Variants in CTNND2 observed in about 807,000 individuals in gnomAD.
CTNND2 encodes catenin delta 2, also known as catenin delta-2.
CTNND2 carries 22 observed loss-of-function variants against 144.4 expected under a neutral mutation model. The observed-to-expected ratio is 0.15, with a 90% CI of 0.11 to 0.22. CTNND2 has a LOEUF of 0.22. Among genes scored for constraint, CTNND2 ranks in the 10% least tolerant of loss-of-function variants. The pLI is 1.00. For synonymous variants in CTNND2, 751 were observed against 695.6 expected (o/e 1.08, Z -1.25); for missense variants, 1,353 against 1,618.8 (o/e 0.84, Z 2.82).
chr5:11,856,577 A>T (rs1034901299), intron 1 of CTNND2, among the ~76,000 whole-genome samples: 7 of 152,178 alleles, frequency 4.6e-5, no homozygotes, highest in African/African-American at 1.7e-4. Context: ...GAAGAAGCGG[A>T]AGTAAAAAGT....
intron 12 of CTNND2, among the ~76,000 whole-genome samples, chr5:11,141,564 T>G (rs1756723086): frequency 6.6e-6 from 1 of 152,188 alleles, no homozygotes; most frequent in African/African-American, 2.4e-5. Flanking sequence ...TTTGAACGGT[T>G]AAGTTTGGAT....
chr5:11,650,372 T>C (rs548201063), intron 2 of CTNND2, among the ~76,000 whole-genome samples: 2 of 152,318 alleles, frequency 1.3e-5, no homozygotes, highest in South Asian at 2.1e-4. Flanking sequence ...CTTTTCTTTA[T>C]ACATTACACA....
intron 3 of CTNND2, among the ~76,000 whole-genome samples, chr5:11,496,810 TAA>T (rs918091175): frequency 1.3e-5 from 2 of 152,186 alleles, no homozygotes; most frequent in African/African-American, 4.8e-5. Flanking sequence ...GTTCTGCTTA[TAA>T]GGTTCTTCAA....
At chr5:11,622,318 G>A (rs920017719) in intron 2 of CTNND2, among the ~76,000 whole-genome samples, 4 of 152,062 alleles carry the variant, frequency 2.6e-5, no homozygotes. Flanking sequence ...TTATTTTCTT[G>A]CCAGCATAAA....
At chr5:11,423,203 G>C (rs764924714) in intron 3 of CTNND2, among the ~76,000 whole-genome samples, 1 of 152,168 alleles carries the variant, frequency 6.6e-6, no homozygotes, top group Non-Finnish European at 1.5e-5. Flanking sequence ...AAACTGAATA[G>C]TTTGTGTAGT....
intron 2 of CTNND2, among the ~76,000 whole-genome samples, chr5:11,716,798 T>C (rs142419469): frequency 0.014 from 2,126 of 152,208 alleles, 23 homozygotes; most frequent in East Asian, 0.057. Context: ...GCAATGCTCC[T>C]ACCTCAGCCT....
At chr5:11,507,357 A>G (rs1159143032) in intron 3 of CTNND2, among the ~76,000 whole-genome samples, 1 of 152,234 alleles carries the variant, frequency 6.6e-6, no homozygotes, top group Non-Finnish European at 1.5e-5. Context: ...GTCTTGTTTA[A>G]GCTATACAAT....
intron 10 of CTNND2, among the ~76,000 whole-genome samples, chr5:11,219,200 T>C (rs1739528412): frequency 6.6e-6 from 1 of 152,166 alleles, no homozygotes; most frequent in Non-Finnish European, 1.5e-5. Flanking sequence ...GCCATCCCCA[T>C]GCAGTGGGGG....
At chr5:11,736,510 A>T (rs1388666875) in intron 1 of CTNND2, among the ~76,000 whole-genome samples, 1 of 152,184 alleles carries the variant, frequency 6.6e-6, no homozygotes. Flanking sequence ...CTGGACAGAA[A>T]AGACAGTCAC....
intron 3 of CTNND2, among the ~76,000 whole-genome samples, 186 bp downstream of exon 3, chr5:11,564,758 G>A (rs1323060645): frequency 2.0e-5 from 3 of 152,206 alleles, no homozygotes; most frequent in African/African-American, 4.8e-5. Context: ...TGTTAAAAGA[G>A]TTTCAAATAC....
At chr5:11,506,798 G>A (rs1260509821) in intron 3 of CTNND2, among the ~76,000 whole-genome samples, 1 of 152,216 alleles carries the variant, frequency 6.6e-6, no homozygotes, top group Non-Finnish European at 1.5e-5. Context: ...CCACTTGCTA[G>A]ATACCAGCTC....
chr5:11,156,656 A>G (rs1311210124), intron 12 of CTNND2, among the ~76,000 whole-genome samples: 1 of 152,200 alleles, frequency 6.6e-6, no homozygotes, highest in Non-Finnish European at 1.5e-5. Flanking sequence ...TATGCCTTAA[A>G]ATATAGTCTT....
At chr5:11,383,735 C>T (rs998151558) in intron 7 of CTNND2, among the ~76,000 whole-genome samples, 3 of 152,170 alleles carry the variant, frequency 2.0e-5, no homozygotes, top group African/African-American at 4.8e-5. Context: ...GCATCTGTTA[C>T]TAGAGTGACA....
intron 9 of CTNND2, among the ~76,000 whole-genome samples, chr5:11,252,201 C>T (rs1051863043): frequency 1.4e-4 from 22 of 152,270 alleles, no homozygotes; most frequent in Admixed American, 2.6e-4. Context: ...GCCCTTTCCC[C>T]AGATCCTTTG....
At chr5:11,271,666 G>A (rs1746023882) in intron 9 of CTNND2, among the ~76,000 whole-genome samples, 2 of 152,126 alleles carry the variant, frequency 1.3e-5, no homozygotes, top group Non-Finnish European at 2.9e-5. Context: ...GGAATGATGG[G>A]CTTAGATGAT....
At chr5:11,706,638 CT>C (rs1785708681) in intron 2 of CTNND2, among the ~76,000 whole-genome samples, 1 of 152,184 alleles carries the variant, frequency 6.6e-6, no homozygotes, top group South Asian at 2.1e-4. Context: ...ACAGTTATGT[CT>C]TTTTGTGAAT....
At chr5:11,882,482 A>G (rs1273137475) in intron 1 of CTNND2, among the ~76,000 whole-genome samples, 1 of 147,522 alleles carries the variant, frequency 6.8e-6, no homozygotes, top group East Asian at 2.0e-4. Context: ...TATACCGAAG[A>G]ATCTCTCTCA....
At chr5:11,546,359 A>T (rs1392833056) in intron 3 of CTNND2, among the ~76,000 whole-genome samples, 4 of 152,158 alleles carry the variant, frequency 2.6e-5, no homozygotes, top group Admixed American at 1.3e-4. Flanking sequence ...CCATTAAATA[A>T]AAAAGGTTGT....
intron 2 of CTNND2, among the ~76,000 whole-genome samples, chr5:11,589,552 C>A (rs906558322): frequency 1.3e-5 from 2 of 152,096 alleles, no homozygotes; most frequent in Non-Finnish European, 2.9e-5. Context: ...CAAAATCCTA[C>A]CAACCCAAAA....
Sources: allele counts gnomAD v4.1 joint callset (sites outside exome capture counted in the v4.1 genomes callset), GRCh38; gene constraint gnomAD v4.1.1; transcripts MANE v1.5; gene names NCBI Gene and HGNC (gene_info 2026-07-23, HGNC 2026-07-21).